The following SIPA1L3 variants were observed in gnomAD, a reference collection of about 807,000 sequenced individuals.
The protein encoded by SIPA1L3 is signal induced proliferation associated 1 like 3.
In SIPA1L3, 59 loss-of-function variants were observed where a neutral mutation model predicts 150.1. The observed-to-expected ratio is 0.39, with a 90% CI of 0.32 to 0.49. The LOEUF (loss-of-function observed/expected upper bound fraction) is 0.49, where lower values mean the gene tolerates loss of function less well. SIPA1L3 is among the 20% of genes least tolerant of loss of function. SIPA1L3 has a pLI of 0.86. For missense variants in SIPA1L3, 2,211 were observed against 2,489.5 expected (o/e 0.89, Z 2.38); for synonymous variants, 1,070 against 1,077.6 (o/e 0.99, Z 0.14).
chr19:37,913,708 T>C (rs1013695335), intron 1 of SIPA1L3, among the ~76,000 whole-genome samples: 36 of 150,898 alleles, frequency 2.4e-4, no homozygotes, highest in East Asian at 2.2e-3. Flanking sequence ...TTCTTTCTTT[T>C]TTTTTTTTTT....
chr19:38,030,623 A>AATATATATATATATATATATAT (rs757828313), intron 2 of SIPA1L3, among the ~76,000 whole-genome samples: 7 of 42,618 alleles, frequency 1.6e-4, no homozygotes, highest in Admixed American at 3.5e-4. Flanking sequence ...ATATGTGGCA[A>AATATATATATATATATATATAT]ATATATATAT....
At chr19:38,010,068 CCTGCT>C (rs1968060578) in intron 1 of SIPA1L3, among the ~76,000 whole-genome samples, 2 of 152,096 alleles carry the variant, frequency 1.3e-5, no homozygotes, top group Non-Finnish European at 2.9e-5. Flanking sequence ...CGTCTATAAC[CCTGCT>C]CAGCCCTCTC....
chr19:37,913,487 C>T (rs2046392274), intron 1 of SIPA1L3, among the ~76,000 whole-genome samples: 1 of 152,126 alleles, frequency 6.6e-6, no homozygotes, highest in South Asian at 2.1e-4. Context: ...CCACTGCCTC[C>T]CAAGTTCAAG....
At chr19:38,039,332 C>G (rs978335779) in intron 2 of SIPA1L3, among the ~76,000 whole-genome samples, 1 of 149,146 alleles carries the variant, frequency 6.7e-6, no homozygotes, top group Non-Finnish European at 1.5e-5. Context: ...CCATACGTGC[C>G]CCAAAACAAA....
chr19:38,029,716 A>C (rs1001535257), intron 2 of SIPA1L3, among the ~76,000 whole-genome samples: 4 of 152,048 alleles, frequency 2.6e-5, no homozygotes, highest in Admixed American at 6.6e-5. Context: ...CTCCTGCTTC[A>C]GCCTCCGGAG....
chr19:38,176,517 G>T (rs1030077136), intron 15 of SIPA1L3, among the ~76,000 whole-genome samples: 13 of 151,774 alleles, frequency 8.6e-5, no homozygotes, highest in Non-Finnish European at 1.9e-4. Flanking sequence ...CCACCTCAGC[G>T]TCCCAAGTAG....
Position 38,204,124 on chromosome 19 carries a change from CA to C in SIPA1L3, c.5121-2del. ...AGGCTGACCTTGTCCCTGGTTTTTC[CA>C]GCGAGGAGCCACCCCTGGATCTGAC... On this transcript the variant is annotated splice_acceptor_variant, in intron 20 of 21. Transcript: ENST00000222345. LOFTEE classifies it high-confidence loss of function. 1 of 1,555,600 alleles carries C rather than the reference CA, an allele frequency of 6.4e-7. No homozygotes were observed. The highest frequency in any genetic ancestry group is 8.7e-7 in the Non-Finnish European group (1 of 1,148,912).
At chr19:38,018,334 T>C (rs1348858932) in intron 1 of SIPA1L3, among the ~76,000 whole-genome samples, 1 of 151,852 alleles carries the variant, frequency 6.6e-6, no homozygotes, top group Non-Finnish European at 1.5e-5. Flanking sequence ...TGGCAAATTT[T>C]TGTATTTTTA....
At chr19:38,122,554 C>T (rs995196260) in intron 9 of SIPA1L3, among the ~76,000 whole-genome samples, 6 of 152,190 alleles carry the variant, frequency 3.9e-5, no homozygotes, top group South Asian at 2.1e-4. Flanking sequence ...GTGGCCTGTT[C>T]TCGACGTGGT....
At chr19:38,022,362 A>G (rs1167369739) in intron 1 of SIPA1L3, among the ~76,000 whole-genome samples, 1 of 152,114 alleles carries the variant, frequency 6.6e-6, no homozygotes, top group Non-Finnish European at 1.5e-5. Flanking sequence ...CAGGAGGTCG[A>G]GGCTGCAGTG....
chr19:38,190,164 C>T lies in SIPA1L3; in HGVS notation c.4431-1981C>T, dbSNP rs561763958. Among the ~76,000 whole-genome samples, 8 of 152,164 alleles carry T rather than the reference C, an allele frequency of 5.3e-5. No individual in the cohort carries two copies. The South Asian group carries it at 1.7e-3, about 32-fold the overall frequency. ...TTCATGCTTCCAGGAGGTCTTGGCA[C>T]GCCCCTCTCGAGGGGAGCCTGTGGG... On this transcript the variant is annotated intron_variant, in intron 16 of 21. Coordinates refer to ENST00000222345, the MANE Select transcript of SIPA1L3 (RefSeq NM_015073.3).
At chr19:38,167,765 G>C (rs892622263) in intron 15 of SIPA1L3, among the ~76,000 whole-genome samples, 2 of 152,112 alleles carry the variant, frequency 1.3e-5, no homozygotes, top group African/African-American at 4.8e-5. Flanking sequence ...GGGTCTCACT[G>C]TGTTGCCAAG....
chr19:38,041,484 G>A (rs998127155), intron 2 of SIPA1L3, among the ~76,000 whole-genome samples: 1 of 151,130 alleles, frequency 6.6e-6, no homozygotes, highest in African/African-American at 2.4e-5. Flanking sequence ...TCACCATGTC[G>A]GCCAGGCTGA....
In SIPA1L3 at chr19:38,045,812, A is replaced by C. The variant is rs140025273; in HGVS notation, c.-311+16656A>C. Among the ~76,000 whole-genome samples, 596 of 151,792 alleles carry C rather than the reference A, an allele frequency of 3.9e-3. 3 individuals carry two copies. The highest frequency in any genetic ancestry group is 0.014 in the African/African-American group (574 of 41,344). On this transcript the variant is annotated intron_variant, in intron 2 of 21. Coordinates refer to ENST00000222345, the MANE Select transcript of SIPA1L3 (RefSeq NM_015073.3). ...CAGGTCCAAGGTGTCGCAGGTGGGG[A>C]GGAACTGGGTGTGTTGGAGGAGCAG...
At chr19:38,090,877 G>T (rs1049799976) in intron 4 of SIPA1L3, among the ~76,000 whole-genome samples, 1 of 152,232 alleles carries the variant, frequency 6.6e-6, no homozygotes, top group Non-Finnish European at 1.5e-5. Context: ...TGGCATGGAG[G>T]CTTTGCAGTA....
chr19:38,017,776 C>G (rs1968272138), intron 1 of SIPA1L3, among the ~76,000 whole-genome samples: 1 of 151,994 alleles, frequency 6.6e-6, no homozygotes, highest in Non-Finnish European at 1.5e-5. Context: ...AGCAATCCTC[C>G]CATCTTGCCT....
At chr19:38,086,868 A>T (rs1367852099) in intron 3 of SIPA1L3, among the ~76,000 whole-genome samples, 1 of 152,190 alleles carries the variant, frequency 6.6e-6, no homozygotes, top group African/African-American at 2.4e-5. Flanking sequence ...GGATCAGTGC[A>T]TGGAAGAAAC....
chr19:38,153,176 G>A (rs900173308), intron 13 of SIPA1L3, among the ~76,000 whole-genome samples: 2 of 152,238 alleles, frequency 1.3e-5, no homozygotes, highest in African/African-American at 2.4e-5. Context: ...ACAGGGCATC[G>A]GCAGGTGGCG....
chr19:38,078,635 C>G (rs1478834463), intron 2 of SIPA1L3, among the ~76,000 whole-genome samples: 1 of 151,926 alleles, frequency 6.6e-6, no homozygotes. Flanking sequence ...AGGCCTGCTA[C>G]TTTCTCACAC....
Sources: gnomAD v4.1 joint callset for allele counts (sites outside exome capture counted in the v4.1 genomes callset) on GRCh38, gnomAD v4.1.1 for gene constraint, MANE v1.5 for transcripts, NCBI Gene and HGNC (gene_info 2026-07-23, HGNC 2026-07-21) for gene names.